SIN3A: variants seen among roughly 807,000 people sequenced by gnomAD.
SIN3A encodes SIN3 transcription regulator family member A.
In SIN3A, 14 loss-of-function variants were observed where a neutral mutation model predicts 146.1. That is an observed-to-expected ratio of 0.10 (90% CI 0.06 to 0.15). The LOEUF is 0.15. SIN3A is among the 10% of genes least tolerant of loss of function. SIN3A has a pLI of 1.00. For synonymous variants in SIN3A, 572 were observed against 572.0 expected (o/e 1.00, Z 0.00); for missense variants, 1,028 against 1,576.0 (o/e 0.65, Z 5.89).
chr15:75,401,018 G>T, intron 10 of SIN3A, 78 bp from the exon 11 acceptor site: 1 of 991,412 alleles, frequency 1.0e-6, no homozygotes, highest in Non-Finnish European at 1.5e-6. Flanking sequence ...CTACCATCTG[G>T]TTTTGGATCA....
intron 1 of SIN3A, 116 bp from the exon 2 acceptor site, chr15:75,430,524 A>G (rs2073996842): frequency 2.9e-6 from 2 of 694,904 alleles, no homozygotes; most frequent in South Asian, 2.5e-5. Flanking sequence ...CTGATCATCT[A>G]TTTCATCTTA....
At chr15:75,411,233 C>T (rs1185496415) in intron 6 of SIN3A, among the ~76,000 whole-genome samples, 2 of 151,848 alleles carry the variant, frequency 1.3e-5, no homozygotes, top group Non-Finnish European at 2.9e-5. Flanking sequence ...GAGGCTAAGG[C>T]AGGAGTATCA....
At chr15:75,429,957 G>C in intron 2 of SIN3A, 1 of 457,444 alleles carries the variant, frequency 2.2e-6, no homozygotes, top group Non-Finnish European at 3.9e-6. Flanking sequence ...GGCTACCTCT[G>C]AAGGGAGGGA....
At chr15:75,402,760 A>G (rs1426277487) in intron 9 of SIN3A, among the ~76,000 whole-genome samples, 2 of 151,904 alleles carry the variant, frequency 1.3e-5, no homozygotes, top group Non-Finnish European at 2.9e-5. Flanking sequence ...TCAGCCTCCC[A>G]AGTAGGTGGG....
rs1360934589 is a variant in SIN3A at position 75,451,043 on chromosome 15, G to A, written c.-34+380C>T. On this transcript the variant is annotated intron_variant, in intron 1 of 20. Transcript: ENST00000394947. ...CCCCTACCCCTCCCCGACCCCAGCA[G>A]GCCAGAGCGCGGCCGCCAGCCCGAG... 3.0e-5 allele frequency among the ~76,000 whole-genome samples: 4 copies of A among 134,308 alleles called. No individual in the cohort carries two copies. In the South Asian group the frequency reaches 7.6e-4, roughly 25 times the overall value. 88.1% of individuals were successfully genotyped at this position (134,308 alleles called of 152,430 possible).
At position 75,398,602 on chromosome 15, in the gene SIN3A, C is replaced by A. The variant is rs369372073; in HGVS notation, c.1854+1438G>T. Reference sequence around the variant, plus strand: ...CTGAGGCAGGATAATGGCTTAAACTCGTGAGGCAGAGGTTGCAGTGAGCCG... The same window carrying A: ...CTGAGGCAGGATAATGGCTTAAACTAGTGAGGCAGAGGTTGCAGTGAGCCG... On this transcript the variant is annotated intron_variant, in intron 12 of 20. Transcript: ENST00000394947. 3.3e-5 allele frequency among the ~76,000 whole-genome samples: 5 copies of A among 151,420 alleles called. No individual in the cohort carries two copies. The East Asian group carries it at 9.7e-4, about 29-fold the overall frequency.
At chr15:75,437,909 C>T (rs2074133946) in intron 1 of SIN3A, among the ~76,000 whole-genome samples, 1 of 152,140 alleles carries the variant, frequency 6.6e-6, no homozygotes, top group Non-Finnish European at 1.5e-5. Context: ...AATTCCAGCA[C>T]TCTGGGTGAC....
At position 75,430,548 on chromosome 15, in the gene SIN3A, A is replaced by T. The variant is rs1397662882; in HGVS notation, c.-33-140T>A. On this transcript the variant is annotated intron_variant, in intron 1 of 20. Coordinates refer to ENST00000394947, the MANE Select transcript of SIN3A (RefSeq NM_001145358.2). ...TATTTCATCTTAGTGATGAAGTTTA[A>T]GTGCATGTGGGCATACCACCCCCCA... 4 of 586,930 alleles carry T rather than the reference A, an allele frequency of 6.8e-6. No homozygotes were observed. The East Asian group carries it at 1.3e-4, about 19-fold the overall frequency. 36.4% of individuals were successfully genotyped at this position (586,930 alleles called of 1,614,324 possible). A position where few individuals can be genotyped will look rare whatever the true frequency, so the allele number is the denominator to read the frequency against.
intron 15 of SIN3A, 70 bp from the exon 16 acceptor site, chr15:75,389,891 A>G: frequency 2.0e-6 from 3 of 1,465,870 alleles, no homozygotes; most frequent in Non-Finnish European, 1.9e-6. Flanking sequence ...TACAGGGCAA[A>G]TCCCACAGCT....
chr15:75,387,491 C>A (rs2073108383), intron 16 of SIN3A, among the ~76,000 whole-genome samples: 1 of 122,452 alleles, frequency 8.2e-6, no homozygotes, highest in South Asian at 2.6e-4. Context: ...TAGAGTGAGA[C>A]CCTGGGTTGG....
chr15:75,384,392 G>C lies in SIN3A; in HGVS notation c.3067C>G (p.Leu1023Val). 1 of 1,613,824 alleles carries C rather than the reference G, an allele frequency of 6.2e-7. No homozygotes were observed. Reference protein sequence around the residue: ...SDEICVQVTDLYLAENNNGAT... With the variant: ...SDEICVQVTDVYLAENNNGAT... ...CCATTATTATTTTCTGCCAGGTAAA[G>C]GTCAGTCACCTGCACACAGATCTCA... is the stretch of plus-strand genomic sequence containing the variant. Residue 1023 changes from leucine to valine, a missense_variant, in exon 17 of 21, where the codon CTT becomes GTT. Coordinates refer to ENST00000394947, the MANE Select transcript of SIN3A (RefSeq NM_001145358.2).
chr15:75,422,240 AT>A, intron 3 of SIN3A: 1 of 285,550 alleles, frequency 3.5e-6, no homozygotes, highest in Non-Finnish European at 6.5e-6. Flanking sequence ...AAAAAAAAAA[AT>A]TTTTAAGAAT....
intron 1 of SIN3A, among the ~76,000 whole-genome samples, chr15:75,441,738 C>T (rs2074215440): frequency 1.3e-5 from 2 of 152,058 alleles, no homozygotes; most frequent in African/African-American, 4.8e-5. Context: ...TTTGAAAACT[C>T]ACTTCATAAT....
chr15:75,379,682 A>G (rs1024087047), intron 19 of SIN3A, among the ~76,000 whole-genome samples: 2 of 152,368 alleles, frequency 1.3e-5, no homozygotes, highest in East Asian at 1.9e-4. Flanking sequence ...AATAAGTCTA[A>G]TAACACTGGG....
intron 1 of SIN3A, 59 bp from the exon 2 acceptor site, chr15:75,430,467 C>T (rs2073996134): frequency 6.2e-6 from 8 of 1,282,728 alleles, no homozygotes; most frequent in Non-Finnish European, 8.4e-6. Flanking sequence ...TGATGTACGC[C>T]ACTTAGGACC....
chr15:75,394,704 A>G lies in SIN3A; in HGVS notation c.2253T>C (p.Asn751=). Residue 751 remains asparagine (N), a synonymous_variant, in exon 14 of 21, where the codon AAT becomes AAC. Coordinates refer to ENST00000394947, the MANE Select transcript of SIN3A (RefSeq NM_001145358.2). ...CCTCATCATAGATACTCTCAATCTC[A>G]TTGAGTAAGCTCTTAGACCTCAGGA... ...TKVLRSKSLL[N]EIESIYDERQ... is the part of the protein sequence containing the mutation. 2 of 1,611,334 alleles carry G rather than the reference A, an allele frequency of 1.2e-6. No homozygotes were observed. The highest frequency in any genetic ancestry group is 1.7e-6 in the Non-Finnish European group (2 of 1,177,830).
At chr15:75,439,350 T>TG (rs1354315515) in intron 1 of SIN3A, among the ~76,000 whole-genome samples, 4 of 152,178 alleles carry the variant, frequency 2.6e-5, no homozygotes, top group African/African-American at 7.2e-5. Context: ...ATATCTTTTT[T>TG]TTTTTTTTGA....
intron 20 of SIN3A, among the ~76,000 whole-genome samples, chr15:75,373,927 C>T (rs1450108636): frequency 1.3e-5 from 2 of 152,174 alleles, no homozygotes; most frequent in Non-Finnish European, 2.9e-5. Context: ...GTGCCCCAAA[C>T]CCCTTGTCGT....
At chr15:75,453,096 T>G (rs2074434915), upstream of SIN3A, 2 of 152,180 alleles carry the variant, frequency 1.3e-5, no homozygotes, top group South Asian at 4.1e-4. Flanking sequence ...CCCGAATAAG[T>G]AGAACCCTCC....
Sources: gnomAD v4.1 joint callset for allele counts (sites outside exome capture counted in the v4.1 genomes callset) on GRCh38, gnomAD v4.1.1 for gene constraint, MANE v1.5 for transcripts, NCBI Gene and HGNC (gene_info 2026-07-23, HGNC 2026-07-21) for gene names.